The following PDE7B variants were observed in gnomAD, a reference collection of about 807,000 sequenced individuals.
PDE7B encodes 3',5'-cyclic-AMP phosphodiesterase 7B.
A neutral mutation model predicts 56.2 loss-of-function variants in PDE7B; 29 were observed. The ratio of observed to expected loss-of-function variants is 0.52; its 90% confidence interval spans 0.38 to 0.70. The LOEUF (loss-of-function observed/expected upper bound fraction) is 0.70, where lower values mean the gene tolerates loss of function less well. PDE7B is among the 30% of genes least tolerant of loss of function. The pLI is 0.00. For missense variants in PDE7B, 490 were observed against 565.0 expected, an observed-to-expected ratio of 0.87 and a Z score of 1.35; for synonymous variants, 197 against 196.9, an observed-to-expected ratio of 1.00 and a Z score of 0.00.
chr6:135,974,082 A>G (rs1431855662), intron 2 of PDE7B, among the ~76,000 whole-genome samples: 2 of 152,232 alleles, frequency 1.3e-5, no homozygotes, highest in Non-Finnish European at 2.9e-5. Flanking sequence ...TGTTCAAAAG[A>G]TGTTCTTTTC....
intron 2 of PDE7B, among the ~76,000 whole-genome samples, chr6:136,026,042 C>T (rs1169251597): frequency 1.3e-5 from 2 of 152,236 alleles, no homozygotes; most frequent in Non-Finnish European, 2.9e-5. Context: ...GTCACATCAT[C>T]ATTCTCTGGT....
chr6:135,955,005 A>C (rs566740567), intron 2 of PDE7B, among the ~76,000 whole-genome samples: 2 of 152,266 alleles, frequency 1.3e-5, no homozygotes, highest in Non-Finnish European at 2.9e-5. Flanking sequence ...AAAGTGATAG[A>C]AGTGTCAGTC....
intron 1 of PDE7B, among the ~76,000 whole-genome samples, chr6:135,878,294 G>A (rs1167894848): frequency 6.6e-6 from 1 of 151,804 alleles, no homozygotes; most frequent in Non-Finnish European, 1.5e-5. Context: ...TTAAAATAGT[G>A]TGTTTATAGT....
At chr6:135,914,908 C>A (rs969398389) in intron 1 of PDE7B, among the ~76,000 whole-genome samples, 1 of 151,642 alleles carries the variant, frequency 6.6e-6, no homozygotes, top group Non-Finnish European at 1.5e-5. Context: ...GCCTGACCAA[C>A]ATGGTGAAAG....
intron 2 of PDE7B, among the ~76,000 whole-genome samples, chr6:136,003,624 C>A (rs1236484040): frequency 2.0e-5 from 3 of 149,486 alleles, no homozygotes; most frequent in Admixed American, 2.0e-4. Flanking sequence ...AATTCCTGGA[C>A]ACATACACCC....
intron 2 of PDE7B, chr6:136,038,668 G>C: frequency 3.7e-6 from 2 of 536,772 alleles, no homozygotes; most frequent in Middle Eastern, 4.2e-4. Flanking sequence ...AATGTCTGCT[G>C]TATGATAGAA....
At position 135,947,727 on chromosome 6, in the gene PDE7B, C is replaced by A. The variant is rs182498589; in HGVS notation, c.82+203C>A. Among the ~76,000 whole-genome samples, 23 of 152,154 alleles carry A rather than the reference C, an allele frequency of 1.5e-4. No homozygotes were observed. The East Asian group carries it at 2.3e-3, about 15-fold the overall frequency. On this transcript the variant is annotated intron_variant, in intron 2 of 12. Transcript: ENST00000308191. ...CTGATTTTCTTAATTGTCAGCCAGT[C>A]AAGGACCATGCTTCTGAGTCTTTCA... is the stretch of plus-strand genomic sequence containing the variant.
At chr6:136,022,301 A>T (rs1445383603) in intron 2 of PDE7B, among the ~76,000 whole-genome samples, 1 of 152,174 alleles carries the variant, frequency 6.6e-6, no homozygotes, top group Non-Finnish European at 1.5e-5. Context: ...AATTCTCACT[A>T]ATATGTGAAG....
intron 1 of PDE7B, among the ~76,000 whole-genome samples, chr6:135,899,258 A>G (rs1775956093): frequency 2.0e-5 from 3 of 152,082 alleles, no homozygotes; most frequent in Admixed American, 2.0e-4. Flanking sequence ...CTAATACATC[A>G]TGTCAGAAGA....
chr6:136,155,621 TAACAGC>T lies in PDE7B; in HGVS notation c.580-5_580del. On this transcript the variant is annotated splice_acceptor_variant and splice_polypyrimidine_tract_variant and coding_sequence_variant and intron_variant, in exon 8 of 13. Transcript: ENST00000308191. LOFTEE classifies it high-confidence loss of function. Reference sequence around the variant, plus strand: ...CAATCAATCTCCCAATTTGTTTTTTTAACAGCTTGCCAGCTTCCTCACGCCTCTGGA... The same window carrying T: ...CAATCAATCTCCCAATTTGTTTTTTTTTGCCAGCTTCCTCACGCCTCTGGA... The T allele has an allele frequency of 6.3e-7, 1 of 1,599,394 alleles. No homozygotes were observed. Among genetic ancestry groups the T allele is most frequent in the Non-Finnish European group, 8.5e-7 (1 of 1,172,394 alleles).
chr6:135,913,048 T>C (rs1166960421), intron 1 of PDE7B, among the ~76,000 whole-genome samples: 2 of 152,126 alleles, frequency 1.3e-5, no homozygotes, highest in African/African-American at 4.8e-5. Flanking sequence ...TAAATCCCAT[T>C]CTCTTTGCAT....
At chr6:136,114,793 C>A (rs1777804458) in intron 3 of PDE7B, 1 of 152,138 alleles carries the variant, frequency 6.6e-6, no homozygotes, top group Non-Finnish European at 1.5e-5. Flanking sequence ...AAGGTAACAC[C>A]CTACAATTTC....
At chr6:135,899,393 T>C (rs1171551313) in intron 1 of PDE7B, among the ~76,000 whole-genome samples, 1 of 150,940 alleles carries the variant, frequency 6.6e-6, no homozygotes, top group Non-Finnish European at 1.5e-5. Context: ...ATGGCAAGGT[T>C]ATATATGTCT....
intron 1 of PDE7B, among the ~76,000 whole-genome samples, chr6:135,939,706 C>G (rs1196469627): frequency 1.3e-5 from 2 of 152,160 alleles, no homozygotes; most frequent in Non-Finnish European, 2.9e-5. Flanking sequence ...GTTCTCAACA[C>G]TGGGTGCTAA....
At chr6:135,946,585 A>G (rs925888185) in intron 1 of PDE7B, among the ~76,000 whole-genome samples, 1 of 152,074 alleles carries the variant, frequency 6.6e-6, no homozygotes, top group Non-Finnish European at 1.5e-5. Flanking sequence ...AGACTTCTAA[A>G]TTTTGTGAAA....
Position 136,194,434 on chromosome 6 carries a change from T to C in PDE7B, c.*2594T>C, listed in dbSNP as rs887453425. ...TGTAGCCACTAGTACAATAAAAATC[T>C]GAAGTAAAATGAGGCATAAACTTGA... On this transcript the variant is annotated 3_prime_UTR_variant, in exon 13 of 13. Coordinates refer to ENST00000308191, the MANE Select transcript of PDE7B (RefSeq NM_018945.4). 1.3e-5 allele frequency: 2 copies of C among 152,206 alleles called. No homozygotes were observed. The highest frequency in any genetic ancestry group is 4.8e-5 in the African/African-American group (2 of 41,462). 9.4% of individuals were successfully genotyped at this position (152,206 alleles called of 1,614,324 possible). A position where few individuals can be genotyped will look rare whatever the true frequency, so the allele number is the denominator to read the frequency against.
intron 1 of PDE7B, among the ~76,000 whole-genome samples, chr6:135,924,433 T>C (rs1774145339): frequency 6.6e-6 from 1 of 152,078 alleles, no homozygotes; most frequent in African/African-American, 2.4e-5. Context: ...ACCTGCCCTG[T>C]GTATAGGTGA....
Position 136,014,213 on chromosome 6 carries a change from G to C in PDE7B, c.82+66689G>C, listed in dbSNP as rs181655761. On this transcript the variant is annotated intron_variant, in intron 2 of 12. Coordinates refer to ENST00000308191, the MANE Select transcript of PDE7B (RefSeq NM_018945.4). ...TTCATTTTAGGAAACTTGAAATATA[G>C]AGGAAAGCTATATCAATGAAAATAA... Among the ~76,000 whole-genome samples, 5 of 152,292 alleles carry C rather than the reference G, an allele frequency of 3.3e-5. No individual in the cohort carries two copies. The East Asian group carries it at 9.6e-4, about 29-fold the overall frequency.
At chr6:136,134,506 A>G (rs1352993703) in intron 3 of PDE7B, among the ~76,000 whole-genome samples, 3 of 152,044 alleles carry the variant, frequency 2.0e-5, no homozygotes, top group Non-Finnish European at 4.4e-5. Flanking sequence ...CCTGGCATGT[A>G]TTTCTTCTTT....
Sources: gnomAD v4.1 joint callset for allele counts (sites outside exome capture counted in the v4.1 genomes callset) on GRCh38, gnomAD v4.1.1 for gene constraint, MANE v1.5 for transcripts, NCBI Gene and HGNC (gene_info 2026-07-23, HGNC 2026-07-21) for gene names.